The following GNAL variants were observed in gnomAD, a reference collection of about 807,000 sequenced individuals.
GNAL encodes the protein G protein subunit alpha L, also known as guanine nucleotide-binding protein G(olf) subunit alpha.
GNAL carries 18 observed loss-of-function variants against 55.1 expected under a neutral mutation model. The observed-to-expected ratio is 0.33, with a 90% CI of 0.23 to 0.48. The LOEUF is 0.48. Ranked by LOEUF, GNAL falls within the 20% of genes least tolerant of loss-of-function variation. GNAL has a pLI of 0.99. For synonymous variants in GNAL, 253 were observed against 237.0 expected, an observed-to-expected ratio of 1.07 and a Z score of -0.62; for missense variants, 412 against 614.1, an observed-to-expected ratio of 0.67 and a Z score of 3.48.
chr18:11,759,042 G>C (rs556945559), intron 4 of GNAL, among the ~76,000 whole-genome samples: 2 of 151,982 alleles, frequency 1.3e-5, no homozygotes, highest in Non-Finnish European at 2.9e-5. Context: ...GCATGGTGGC[G>C]GGCGCCTGTA....
intron 1 of GNAL, among the ~76,000 whole-genome samples, chr18:11,719,265 T>C (rs1463919086): frequency 1.3e-5 from 2 of 152,106 alleles, no homozygotes; most frequent in African/African-American, 2.4e-5. Context: ...TGGTTGAGGA[T>C]TGAAGGAGTG....
Position 11,884,177 on chromosome 18 carries a change from T to C in GNAL, c.*3042T>C. On this transcript the variant is annotated 3_prime_UTR_variant, in exon 12 of 12. Transcript: ENST00000334049. ...TGTGAGTGACGACATTAATAGCATT[T>C]ACATACTGTACAGATGCAACCTTTG... is the stretch of plus-strand genomic sequence containing the variant. 1 of 368,056 alleles carries C rather than the reference T, an allele frequency of 2.7e-6. No individual in the cohort carries two copies. Among genetic ancestry groups the C allele is most frequent in the South Asian group, 4.0e-5 (1 of 25,016 alleles). 22.8% of individuals were successfully genotyped at this position (368,056 alleles called of 1,614,324 possible). A position where few individuals can be genotyped will look rare whatever the true frequency, so the allele number is the denominator to read the frequency against.
intron 4 of GNAL, among the ~76,000 whole-genome samples, chr18:11,793,476 G>A (rs1288788293): frequency 6.6e-6 from 1 of 152,068 alleles, no homozygotes; most frequent in African/African-American, 2.4e-5. Flanking sequence ...CAGCTACTTG[G>A]GGGGCTGAGG....
intron 11 of GNAL, among the ~76,000 whole-genome samples, chr18:11,879,286 G>A (rs187433803): frequency 8.6e-5 from 13 of 151,994 alleles, no homozygotes; most frequent in African/African-American, 3.1e-4. Flanking sequence ...CTCTCTAAAG[G>A]CTGTTTCCCA....
At chr18:11,862,969 C>G (rs1386239315) in intron 6 of GNAL, among the ~76,000 whole-genome samples, 1 of 151,672 alleles carries the variant, frequency 6.6e-6, no homozygotes, top group East Asian at 1.9e-4. Flanking sequence ...ACCTCTGCCT[C>G]CCAAGTTCAA....
chr18:11,825,145 C>A, intron 5 of GNAL, 130 bp downstream of exon 5: 1 of 615,252 alleles, frequency 1.6e-6, no homozygotes, highest in Non-Finnish European at 2.9e-6. Flanking sequence ...TGACAGAAAT[C>A]AACTTTTAAA....
At chr18:11,781,226 C>T (rs1171787708) in intron 4 of GNAL, among the ~76,000 whole-genome samples, 1 of 152,168 alleles carries the variant, frequency 6.6e-6, no homozygotes, top group East Asian at 1.9e-4. Context: ...GCAAATAAAG[C>T]ATTCCCCAAT....
At chr18:11,774,369 T>C (rs2033719614) in intron 4 of GNAL, among the ~76,000 whole-genome samples, 1 of 152,210 alleles carries the variant, frequency 6.6e-6, no homozygotes. Context: ...TATTGTGGTC[T>C]GAAATAGTGT....
At chr18:11,826,886 T>C (rs1315001467) in intron 5 of GNAL, among the ~76,000 whole-genome samples, 1 of 152,140 alleles carries the variant, frequency 6.6e-6, no homozygotes, top group Non-Finnish European at 1.5e-5. Context: ...CATCAGCTAC[T>C]GATGGTATGC....
intron 4 of GNAL, among the ~76,000 whole-genome samples, chr18:11,780,320 G>T (rs1035338766): frequency 6.6e-6 from 1 of 151,592 alleles, no homozygotes; most frequent in African/African-American, 2.4e-5. Context: ...TTCCTAACAC[G>T]TAAGACCTTT....
chr18:11,757,454 G>C (rs1243969866), intron 4 of GNAL, among the ~76,000 whole-genome samples: 1 of 152,190 alleles, frequency 6.6e-6, no homozygotes, highest in Non-Finnish European at 1.5e-5. Flanking sequence ...CCACTTCGGA[G>C]ACTAGTCTAA....
Position 11,751,344 on chromosome 18 carries a change from C to A in GNAL, c.377-1509C>A. 9.5e-6 allele frequency: 2 copies of A among 210,072 alleles called. No individual in the cohort carries two copies. Among genetic ancestry groups the A allele is most frequent in the Non-Finnish European group, 1.7e-5 (2 of 121,000 alleles). 13.0% of individuals were successfully genotyped at this position (210,072 alleles called of 1,614,324 possible). ...GCCCTAGTTCGTTCCTCTGCTACAA[C>A]GCCAAGTTCGAGGCCACAGTGCCTT... On this transcript the variant is annotated intron_variant, in intron 1 of 11. Coordinates refer to ENST00000334049, the MANE Select transcript of GNAL (RefSeq NM_182978.4). The surrounding 1 kb of genome is among the most constrained non-coding windows in gnomAD (Gnocchi z 4.5).
At chr18:11,832,790 G>A (rs1407858988) in intron 5 of GNAL, among the ~76,000 whole-genome samples, 1 of 151,854 alleles carries the variant, frequency 6.6e-6, no homozygotes, top group African/African-American at 2.4e-5. Flanking sequence ...AACCCGGGAG[G>A]CAGAGGTTTC....
Position 11,885,474 on chromosome 18 carries a change from A to G in GNAL, c.*4339A>G, listed in dbSNP as rs747795219. ...ACGGTGCCCTGCCCTCGCTTCTCAC[A>G]TTAACTGCCCAGGAATGTCATGCTG... is the stretch of plus-strand genomic sequence containing the variant. On this transcript the variant is annotated 3_prime_UTR_variant, in exon 12 of 12. Transcript: ENST00000334049. 8.2e-5 allele frequency: 52 copies of G among 633,068 alleles called. No homozygotes were observed. Among genetic ancestry groups the G allele is most frequent in the Non-Finnish European group, 1.2e-4 (46 of 370,122 alleles). The allele number at this position is 633,068 out of a possible 1,614,324, so 39.2% of individuals were successfully genotyped here.
chr18:11,806,394 G>GT (rs1163327669), intron 4 of GNAL, among the ~76,000 whole-genome samples: 2 of 152,138 alleles, frequency 1.3e-5, no homozygotes, highest in East Asian at 3.9e-4. Flanking sequence ...TGCTGTTGAG[G>GT]TCTTAGTCAT....
At chr18:11,730,492 A>C (rs1321733305) in intron 1 of GNAL, among the ~76,000 whole-genome samples, 2 of 150,902 alleles carry the variant, frequency 1.3e-5, no homozygotes, top group African/African-American at 2.4e-5. Flanking sequence ...TGCTGGGCAC[A>C]GTGGCTCACG....
Position 11,884,672 on chromosome 18 carries a change from G to A in GNAL, c.*3537G>A, listed in dbSNP as rs563554254. 17 of 1,571,702 alleles carry A rather than the reference G, an allele frequency of 1.1e-5. No individual in the cohort carries two copies. The highest frequency in any genetic ancestry group is 9.4e-5 in the African/African-American group (7 of 74,128). On this transcript the variant is annotated 3_prime_UTR_variant, in exon 12 of 12. Transcript: ENST00000334049. ...GTTATGCTGAGAGCACCAGGCACAC[G>A]TTGAACACCGCAGTCTTAGAAACAG...
chr18:11,772,255 G>T (rs997101929), intron 4 of GNAL, among the ~76,000 whole-genome samples: 3 of 152,208 alleles, frequency 2.0e-5, no homozygotes, highest in African/African-American at 7.2e-5. Context: ...AAATGTATGT[G>T]CTTCAATAAA....
intron 4 of GNAL, among the ~76,000 whole-genome samples, chr18:11,773,876 A>G (rs1158753647): frequency 6.6e-6 from 1 of 152,204 alleles, no homozygotes; most frequent in African/African-American, 2.4e-5. Flanking sequence ...GTTCCTTAAC[A>G]TTATGGTTAA....
Sources: allele counts gnomAD v4.1 joint callset (sites outside exome capture counted in the v4.1 genomes callset), GRCh38; gene constraint gnomAD v4.1.1; non-coding constraint Gnocchi (gnomAD v3.1); transcripts MANE v1.5; gene names NCBI Gene and HGNC (gene_info 2026-07-23, HGNC 2026-07-21).